UPF2: variants seen among roughly 807,000 people sequenced by gnomAD.
UPF2 encodes the protein regulator of nonsense transcripts 2.
In UPF2, 17 loss-of-function variants were observed where a neutral mutation model predicts 141.4. The observed-to-expected ratio is 0.12, with a 90% confidence interval of 0.08 to 0.18. The LOEUF (loss-of-function observed/expected upper bound fraction) is 0.18, where lower values mean the gene tolerates loss of function less well. Ranked by LOEUF, UPF2 falls within the 10% of genes least tolerant of loss-of-function variation. The pLI is 1.00. For missense variants in UPF2, 1,152 were observed against 1,515.9 expected (o/e 0.76, Z 3.99); for synonymous variants, 540 against 498.0 (o/e 1.08, Z -1.12).
intron 4 of UPF2, among the ~76,000 whole-genome samples, chr10:12,012,795 C>A (rs9424136): frequency 1.4e-5 from 2 of 141,180 alleles, no homozygotes. Flanking sequence ...CAAGACTCCG[C>A]CAAAAAAAAA....
chr10:12,033,612 T>C (rs1012019412), intron 2 of UPF2, among the ~76,000 whole-genome samples: 2 of 152,210 alleles, frequency 1.3e-5, no homozygotes, highest in Non-Finnish European at 2.9e-5. Flanking sequence ...ACAAGCCTCA[T>C]TTTAGAGATC....
chr10:12,015,268 G>A (rs960318572), intron 3 of UPF2, among the ~76,000 whole-genome samples: 2 of 152,130 alleles, frequency 1.3e-5, no homozygotes, highest in African/African-American at 2.4e-5. Context: ...TTTCTGTAAT[G>A]CCATCTTCCA....
chr10:12,004,520 T>C lies in UPF2; in HGVS notation c.1504+10A>G. ...GCACTTAATGTAAATATTTTTTCTCTAGAATTTACCTTTGGTATCATCTTT... is the reference window on the plus strand; with the variant it reads ...GCACTTAATGTAAATATTTTTTCTCCAGAATTTACCTTTGGTATCATCTTT... On this transcript the variant is annotated intron_variant, in intron 5 of 21. Coordinates refer to ENST00000357604, the MANE Select transcript of UPF2 (RefSeq NM_015542.4). 6.3e-7 allele frequency: 1 copy of C among 1,596,034 alleles called. No homozygotes were observed. Among genetic ancestry groups the C allele is most frequent in the East Asian group, 2.2e-5 (1 of 44,664 alleles).
chr10:12,033,128 G>A (rs921249853), intron 2 of UPF2, among the ~76,000 whole-genome samples: 3 of 152,154 alleles, frequency 2.0e-5, no homozygotes, highest in Admixed American at 6.5e-5. Flanking sequence ...ATTTGGCCAC[G>A]CAAAGTAGTG....
chr10:11,946,383 G>T (rs1046207575), intron 16 of UPF2, among the ~76,000 whole-genome samples: 1 of 152,062 alleles, frequency 6.6e-6, no homozygotes, highest in Non-Finnish European at 1.5e-5. Flanking sequence ...AATCCAGTTT[G>T]CAAATCTATC....
In UPF2 at chr10:12,035,100, C is replaced by T; in HGVS notation, c.324G>A (p.Gln108=). The part of the protein sequence containing the change: ...QEEERKKQEE[Q]AKRQQEEEAA... ...CTTCTTCTTCTTGCTGACGTTTGGC[C>T]TGCTCTTCTTGCTTCTTTCTCTCTT... Residue 108 remains glutamine, a synonymous_variant, in exon 2 of 22, where the codon CAG becomes CAA. Transcript: ENST00000357604. The T allele has an allele frequency of 6.3e-7, 1 of 1,585,062 alleles. No homozygotes were observed. The highest frequency in any genetic ancestry group is 2.2e-5 in the East Asian group (1 of 44,772).
At chr10:12,013,884 G>A in intron 4 of UPF2, 140 bp downstream of exon 4, 1 of 808,660 alleles carries the variant, frequency 1.2e-6, no homozygotes, top group Non-Finnish European at 1.7e-6. Flanking sequence ...ACAGGCATGA[G>A]CCACCATGCT....
chr10:11,969,839 T>C (rs912325554), intron 9 of UPF2, among the ~76,000 whole-genome samples: 1 of 152,058 alleles, frequency 6.6e-6, no homozygotes, highest in Non-Finnish European at 1.5e-5. Context: ...TTGGACCTAA[T>C]AGGGTTGTGA....
intron 8 of UPF2, among the ~76,000 whole-genome samples, chr10:11,986,345 T>C (rs924060280): frequency 6.6e-6 from 1 of 152,102 alleles, no homozygotes; most frequent in Non-Finnish European, 1.5e-5. Flanking sequence ...CATTTAAGTA[T>C]CCTACCAGCA....
rs749464075 is a variant in UPF2, at chr10:11,936,593, T to C, written c.3498A>G (p.Ala1166=). 10 of 1,612,380 alleles carry C rather than the reference T, an allele frequency of 6.2e-6. No homozygotes were observed. The highest frequency in any genetic ancestry group is 7.6e-6 in the Non-Finnish European group (9 of 1,179,442). The change falls in exon 19 of 22, where the codon GCA becomes GCG. Residue 1166 remains alanine, a synonymous_variant. Coordinates refer to ENST00000357604, the MANE Select transcript of UPF2 (RefSeq NM_015542.4). This position sits in a 1 kb window ranked among gnomAD's most constrained non-coding sequence, Gnocchi z 6.6. ...LGGGEGEAES[A]DTMPFVMLTR... is the part of the protein sequence containing the mutation. Reference sequence around the variant, plus strand: ...TTAACATGACAAACGGCATTGTGTCTGCAGACTCAGCCTCTCCTTCCCCAC... The same window carrying C: ...TTAACATGACAAACGGCATTGTGTCCGCAGACTCAGCCTCTCCTTCCCCAC...
rs1834468330 is a variant in UPF2 at position 12,028,977 on chromosome 10, C to G, written c.913G>C (p.Val305Leu). The change falls in exon 3 of 22, where the codon GTC becomes CTC. Residue 305 changes from valine (V) to leucine (L), a missense_variant. Coordinates refer to ENST00000357604, the MANE Select transcript of UPF2 (RefSeq NM_015542.4). ...INADRESHTHVSVVISFCRHC... is the reference protein window; with the variant it reads ...INADRESHTHLSVVISFCRHC... ...CGACAGAAACTAATCACTACAGAGACATGAGTGTGGGACTCCCGATCAGCA... is the reference window on the plus strand; with the variant it reads ...CGACAGAAACTAATCACTACAGAGAGATGAGTGTGGGACTCCCGATCAGCA... The G allele has an allele frequency of 3.1e-6, 5 of 1,614,076 alleles. No homozygotes were observed. In the South Asian group the frequency reaches 5.5e-5, roughly 18 times the overall value.
Position 11,921,844 on chromosome 10 carries a change from A to C in UPF2, c.3810-537T>G, listed in dbSNP as rs1271235399. Among the ~76,000 whole-genome samples the C allele has an allele frequency of 6.6e-6, 1 of 152,100 alleles. No homozygotes were observed. The highest frequency in any genetic ancestry group is 1.9e-4 in the East Asian group (1 of 5,194). ...TATTCTTAAGGTGCTAAGAATTCAC[A>C]GTTTGTGTTATGGTTCAGTTGTGTA... is the stretch of plus-strand genomic sequence containing the variant. On this transcript the variant is annotated intron_variant, in intron 21 of 21. Coordinates refer to ENST00000357604, the MANE Select transcript of UPF2 (RefSeq NM_015542.4). This position sits in a 1 kb window ranked among gnomAD's most constrained non-coding sequence, Gnocchi z 5.9.
chr10:11,926,863 G>A (rs1043753821), intron 21 of UPF2, among the ~76,000 whole-genome samples: 6 of 152,240 alleles, frequency 3.9e-5, no homozygotes, highest in Admixed American at 1.3e-4. Flanking sequence ...AGGGAAAATA[G>A]AAAGTGAAGG....
At chr10:12,020,244 A>C (rs1023342965) in intron 3 of UPF2, among the ~76,000 whole-genome samples, 10 of 151,106 alleles carry the variant, frequency 6.6e-5, no homozygotes, top group Non-Finnish European at 1.3e-4. Context: ...CTAAAAAATA[A>C]ATTTTATTTT....
intron 4 of UPF2, among the ~76,000 whole-genome samples, chr10:12,011,893 C>T (rs1014889005): frequency 4.6e-5 from 7 of 151,188 alleles, no homozygotes; most frequent in East Asian, 3.9e-4. Context: ...TGCAGTGAGC[C>T]GAGATCGCGC....
intron 8 of UPF2, among the ~76,000 whole-genome samples, chr10:11,984,208 A>G (rs1833648067): frequency 6.6e-6 from 1 of 152,232 alleles, no homozygotes; most frequent in Non-Finnish European, 1.5e-5. Context: ...GGCGTGAGCC[A>G]GCGTGCCCGA....
chr10:12,025,316 C>T (rs970366752), intron 3 of UPF2, among the ~76,000 whole-genome samples: 53 of 152,186 alleles, frequency 3.5e-4, no homozygotes, highest in African/African-American at 1.2e-3. Flanking sequence ...TCTGGGAGGC[C>T]GAGGTGTGCA....
chr10:11,981,066 G>A (rs569814396), intron 8 of UPF2, among the ~76,000 whole-genome samples: 3 of 152,238 alleles, frequency 2.0e-5, no homozygotes, highest in South Asian at 4.1e-4. Flanking sequence ...GCACCTGCCT[G>A]TAATCCCAGC....
rs1832843482 is a variant in UPF2 at position 11,935,909 on chromosome 10, G to A, written c.3546+636C>T. Among the ~76,000 whole-genome samples, 1 of 152,172 alleles carries A rather than the reference G, an allele frequency of 6.6e-6. No homozygotes were observed. The highest frequency in any genetic ancestry group is 1.5e-5 in the Non-Finnish European group (1 of 68,034). ...GGAAAGGGCAAACAAGAAGAATGGA[G>A]AGGGATATGGAGAAGGGTTGGTGTG... is the stretch of plus-strand genomic sequence containing the variant. On this transcript the variant is annotated intron_variant, in intron 19 of 21. Transcript: ENST00000357604. This position sits in a 1 kb window ranked among gnomAD's most constrained non-coding sequence, Gnocchi z 4.9.
Sources: allele counts gnomAD v4.1 joint callset (sites outside exome capture counted in the v4.1 genomes callset), GRCh38; gene constraint gnomAD v4.1.1; non-coding constraint Gnocchi (gnomAD v3.1); transcripts MANE v1.5; gene names NCBI Gene and HGNC (gene_info 2026-07-23, HGNC 2026-07-21).